FAM193A: variants seen among roughly 807,000 people sequenced by gnomAD.
FAM193A encodes protein FAM193A.
FAM193A carries 22 observed loss-of-function variants against 126.5 expected under a neutral mutation model. The observed-to-expected ratio is 0.17, with a 90% CI of 0.12 to 0.25. The LOEUF (loss-of-function observed/expected upper bound fraction) is 0.25. Ranked by LOEUF, FAM193A falls within the 10% of genes least tolerant of loss-of-function variation. FAM193A has a pLI of 1.00. For missense variants in FAM193A, 1,675 were observed against 1,672.8 expected (o/e 1.00, Z -0.02); for synonymous variants, 761 against 646.8 (o/e 1.18, Z -2.68).
At position 2,652,619 on chromosome 4, in the gene FAM193A, C is replaced by T. The variant is rs536672104; in HGVS notation, c.1312-5184C>T. ...AACAACCAGATCTTCTGAGCACTCG[C>T]TATCACGAGAACAGCACCTTCGGGG... On this transcript the variant is annotated intron_variant, in intron 7 of 20. Coordinates refer to ENST00000637812, the MANE Select transcript of FAM193A (RefSeq NM_001366318.2). Among the ~76,000 whole-genome samples, 16 of 152,266 alleles carry T rather than the reference C, an allele frequency of 1.1e-4. No homozygotes were observed. The South Asian group carries it at 2.1e-3, about 20-fold the overall frequency.
intron 1 of FAM193A, among the ~76,000 whole-genome samples, chr4:2,562,772 G>A (rs949241871): frequency 6.6e-6 from 1 of 151,852 alleles, no homozygotes; most frequent in Non-Finnish European, 1.5e-5. Context: ...TGGGATTACA[G>A]GCGTCCACCA....
At chr4:2,719,405 G>C (rs16843281) in intron 20 of FAM193A, among the ~76,000 whole-genome samples, 74,560 of 151,964 alleles carry the variant, frequency 0.49, 18,791 homozygotes, top group Admixed American at 0.6. Context: ...TATACCATGA[G>C]CAAATTGGTT....
intron 20 of FAM193A, among the ~76,000 whole-genome samples, chr4:2,719,638 G>A (rs1038182174): frequency 2.6e-5 from 4 of 151,388 alleles, no homozygotes; most frequent in Admixed American, 1.3e-4. Context: ...CCAGCTACTC[G>A]GGAGGCTAAG....
At chr4:2,550,791 A>G (rs141281757) in intron 1 of FAM193A, among the ~76,000 whole-genome samples, 2 of 87,226 alleles carry the variant, frequency 2.3e-5, no homozygotes, top group South Asian at 3.0e-4. Context: ...TTATTTATTT[A>G]TTTATTTATT....
At chr4:2,730,684 C>T (rs1477661109) in intron 20 of FAM193A, among the ~76,000 whole-genome samples, 8 of 144,770 alleles carry the variant, frequency 5.5e-5, no homozygotes, top group African/African-American at 1.6e-4. Context: ...AGCAAGACTC[C>T]GTGTCAAGAA....
Position 2,700,133 on chromosome 4 carries a change from C to A in FAM193A, c.3961C>A (p.Leu1321Ile). Residue 1321 changes from leucine (L) to isoleucine (I), a missense_variant, in exon 19 of 21, where the codon CTC becomes ATC. By Grantham distance (5) the Leu-to-Ile change is conservative. Transcript: ENST00000637812. ...GGTGAATGGGAAGCAGCATGAGCCA[C>A]TCTCTTTTTTCTTCGACATCATGCA... The part of the protein sequence containing the change: ...KEVNGKQHEP[L>I]SFFFDIMQHH... 2 of 1,613,726 alleles carry A rather than the reference C, an allele frequency of 1.2e-6. No homozygotes were observed. The highest frequency in any genetic ancestry group is 2.2e-5 in the South Asian group (2 of 91,036).
At chr4:2,692,136 T>C (rs1371249234) in intron 15 of FAM193A, among the ~76,000 whole-genome samples, 2 of 152,202 alleles carry the variant, frequency 1.3e-5, no homozygotes, top group African/African-American at 4.8e-5. Flanking sequence ...TACCCAAGAC[T>C]GGATGATTTA....
At chr4:2,570,100 G>C (rs1431955181) in intron 1 of FAM193A, among the ~76,000 whole-genome samples, 1 of 137,054 alleles carries the variant, frequency 7.3e-6, no homozygotes, top group African/African-American at 3.1e-5. Flanking sequence ...TCACTTTTGG[G>C]TATCTTCTGA....
In FAM193A at chr4:2,626,944, AG is replaced by A. The variant is rs147884818; in HGVS notation, c.803+368del. On this transcript the variant is annotated intron_variant, in intron 4 of 20. Coordinates refer to ENST00000637812, the MANE Select transcript of FAM193A (RefSeq NM_001366318.2). ...TCAACCCAAGGAGAAAGGCCGAGTT[AG>A]CCCATTTATGAAGTGAAAAAATGGG... Among the ~76,000 whole-genome samples the A allele has an allele frequency of 4.2e-3, 641 of 152,208 alleles. 1 individual carries two copies. The highest frequency in any genetic ancestry group is 0.015 in the African/African-American group (617 of 41,514).
At chr4:2,711,137 C>T (rs1403596484) in intron 19 of FAM193A, among the ~76,000 whole-genome samples, 2 of 152,178 alleles carry the variant, frequency 1.3e-5, no homozygotes, top group Non-Finnish European at 2.9e-5. Context: ...CAGGCGTGAG[C>T]CACCACGCCC....
intron 20 of FAM193A, among the ~76,000 whole-genome samples, chr4:2,722,184 T>C (rs960546762): frequency 2.6e-5 from 4 of 152,174 alleles, no homozygotes; most frequent in African/African-American, 9.7e-5. Flanking sequence ...CTCAGGATTC[T>C]CCCTGCTGGT....
At chr4:2,624,423 C>T (rs377314880) in intron 2 of FAM193A, among the ~76,000 whole-genome samples, 13 of 152,206 alleles carry the variant, frequency 8.5e-5, no homozygotes, top group African/African-American at 9.6e-5. Context: ...GGATTATAGG[C>T]GTGAGCCACT....
intron 12 of FAM193A, among the ~76,000 whole-genome samples, chr4:2,670,112 G>A (rs371299186): frequency 9.2e-5 from 14 of 152,098 alleles, no homozygotes; most frequent in Admixed American, 2.0e-4. Context: ...GCCTCTGAGC[G>A]TCTGCATACT....
At chr4:2,571,119 G>A (rs1261584037) in intron 1 of FAM193A, among the ~76,000 whole-genome samples, 2 of 152,098 alleles carry the variant, frequency 1.3e-5, no homozygotes, top group African/African-American at 2.4e-5. Flanking sequence ...CTCCCTCCGC[G>A]GCCCCAGCCC....
rs184511521 is a variant in FAM193A at position 2,595,909 on chromosome 4, A to C, written c.256-175A>C. 9.8e-5 allele frequency among the ~76,000 whole-genome samples: 15 copies of C among 152,346 alleles called. No individual in the cohort carries two copies. The East Asian group carries it at 2.9e-3, about 29-fold the overall frequency. ...TAAGATTTTCTTTATGGCACTATTT[A>C]AAGTATTACGAGTTTCTAGAACATT... On this transcript the variant is annotated intron_variant, in intron 1 of 20. Transcript: ENST00000637812.
At chr4:2,616,895 G>A (rs1315586302) in intron 2 of FAM193A, among the ~76,000 whole-genome samples, 3 of 148,200 alleles carry the variant, frequency 2.0e-5, no homozygotes, top group South Asian at 4.2e-4. Flanking sequence ...GTGGCTGGGC[G>A]TGGTGGCTCT....
At chr4:2,687,323 A>G (rs1468789768) in intron 13 of FAM193A, among the ~76,000 whole-genome samples, 2 of 152,214 alleles carry the variant, frequency 1.3e-5, no homozygotes, top group East Asian at 3.8e-4. Context: ...CATCACACTC[A>G]CTGAATACTT....
At chr4:2,544,895 A>G (rs990258114) in intron 1 of FAM193A, among the ~76,000 whole-genome samples, 1 of 152,080 alleles carries the variant, frequency 6.6e-6, no homozygotes, top group African/African-American at 2.4e-5. Flanking sequence ...AAGACTATAG[A>G]TAGAACAATT....
intron 2 of FAM193A, chr4:2,608,067 G>A: frequency 1.2e-6 from 2 of 1,610,108 alleles, no homozygotes; most frequent in Non-Finnish European, 1.7e-6. Context: ...AGAGTGTAAG[G>A]TGAAGCCGGC....
Sources: gnomAD v4.1 joint callset for allele counts (sites outside exome capture counted in the v4.1 genomes callset) on GRCh38, gnomAD v4.1.1 for gene constraint, MANE v1.5 for transcripts, NCBI Gene and HGNC (gene_info 2026-07-23, HGNC 2026-07-21) for gene names.